Variants in PRIMPOL observed in about 807,000 individuals in gnomAD.
The protein encoded by PRIMPOL is primase and DNA directed polymerase, also known as DNA-directed primase/polymerase protein.
In PRIMPOL, 54 loss-of-function variants were observed where a neutral mutation model predicts 63.6. That is an observed-to-expected ratio of 0.85 (90% CI 0.68 to 1.07). The LOEUF (loss-of-function observed/expected upper bound fraction) is 1.07, where lower values mean the gene tolerates loss of function less well. PRIMPOL is among the 50% of genes least tolerant of loss of function. The probability of loss-of-function intolerance (pLI) is 0.00; values close to 1 mark genes in which losing one functional copy is unlikely to be tolerated. For missense variants in PRIMPOL, 610 were observed against 648.3 expected, an observed-to-expected ratio of 0.94 and a Z score of 0.64; for synonymous variants, 197 against 220.2, an observed-to-expected ratio of 0.89 and a Z score of 0.93.
At chr4:184,652,585 G>A (rs1209106222) in intron 2 of PRIMPOL, among the ~76,000 whole-genome samples, 1 of 152,154 alleles carries the variant, frequency 6.6e-6, no homozygotes, top group East Asian at 1.9e-4. Context: ...CATCCAGAAA[G>A]TGAACTTATA....
chr4:184,684,257 A>T (rs1427931526), intron 9 of PRIMPOL, among the ~76,000 whole-genome samples: 3 of 152,148 alleles, frequency 2.0e-5, no homozygotes, highest in African/African-American at 7.2e-5. Context: ...GGAGTTCAAG[A>T]CCAGCCTGAC....
chr4:184,671,843 T>C lies in PRIMPOL; in HGVS notation c.557-330T>C, dbSNP rs112472049. Among the ~76,000 whole-genome samples the C allele has an allele frequency of 2.2e-4, 33 of 150,898 alleles. 1 individual carries two copies. The East Asian group carries it at 3.2e-3, about 14-fold the overall frequency. ...CTGCAAGCTCCGCTTCCTGGGTTCA[T>C]GCCATTCGCCCACCTCAGCCTCCCA... On this transcript the variant is annotated intron_variant, in intron 6 of 13. Coordinates refer to ENST00000314970, the MANE Select transcript of PRIMPOL (RefSeq NM_152683.4).
At position 184,694,752 on chromosome 4, in the gene PRIMPOL, A is replaced by G. The variant is rs777644520; in HGVS notation, c.1656A>G (p.Glu552=). The stretch of plus-strand genomic sequence containing the variant: ...GTGAAGTGGATGAAATTCCTGATGA[A>G]CTAATTATAGAAGTATTACAAGAGT... ...YNSEVDEIPD[E]LIIEVLQE Residue 552 remains glutamate (E), a synonymous_variant, in exon 14 of 14, where the codon GAA becomes GAG. Transcript: ENST00000314970. 8.7e-6 allele frequency: 14 copies of G among 1,612,318 alleles called. No homozygotes were observed. In the South Asian group the frequency reaches 1.4e-4, roughly 16 times the overall value.
At chr4:184,660,964 C>T (rs1342561455) in intron 4 of PRIMPOL, among the ~76,000 whole-genome samples, 1 of 152,196 alleles carries the variant, frequency 6.6e-6, no homozygotes, top group Non-Finnish European at 1.5e-5. Flanking sequence ...AAGAATGTAA[C>T]TGCAAACATG....
chr4:184,672,233 A>G lies in PRIMPOL; in HGVS notation c.617A>G (p.Asp206Gly), dbSNP rs141459769. The change falls in exon 7 of 14, where the codon GAT becomes GGT. Residue 206 changes from aspartate (D) to glycine (G), a missense_variant. By Grantham distance (94) the Asp-to-Gly change is moderately conservative. This residue lies in a region of PRIMPOL where 444 missense variants were observed against 456.4 expected (regional missense o/e 0.97). Coordinates refer to ENST00000314970, the MANE Select transcript of PRIMPOL (RefSeq NM_152683.4). ...ALDLLGSEDD[D>G]SAPETTGHGF... ...GACTTGCTTGGCAGTGAAGATGATG[A>G]TAGCGCTCCAGAGACAACAGGCCAT... 120 of 1,613,922 alleles carry G rather than the reference A, an allele frequency of 7.4e-5. No homozygotes were observed. Among genetic ancestry groups the G allele is most frequent in the Non-Finnish European group, 1.0e-4 (118 of 1,180,014 alleles).
At chr4:184,666,215 T>TG in intron 6 of PRIMPOL, 151 bp downstream of exon 6, 1 of 577,438 alleles carries the variant, frequency 1.7e-6, no homozygotes, top group Non-Finnish European at 2.9e-6. Flanking sequence ...GGCTCACACC[T>TG]GCAATTCTAG....
intron 6 of PRIMPOL, among the ~76,000 whole-genome samples, chr4:184,670,622 C>T (rs902127204): frequency 1.3e-5 from 2 of 149,306 alleles, no homozygotes; most frequent in Non-Finnish European, 2.9e-5. Flanking sequence ...GATCTTGGCT[C>T]ACTGCAACCT....
chr4:184,686,919 A>C (rs754148559), intron 11 of PRIMPOL, among the ~76,000 whole-genome samples: 1 of 152,262 alleles, frequency 6.6e-6, no homozygotes, highest in Admixed American at 6.5e-5. Context: ...TGCAGCTATC[A>C]GTTGACGTTT....
rs529545818 is a variant in PRIMPOL at position 184,691,481 on chromosome 4, T to C, written c.1296-18T>C. ...CAGTCTTGGTATTAATACTTTTTTT[T>C]TTTTTTTAAACATAAAGGATTCTGG... On this transcript the variant is annotated intron_variant, in intron 11 of 13. Coordinates refer to ENST00000314970, the MANE Select transcript of PRIMPOL (RefSeq NM_152683.4). 6.7e-6 allele frequency: 10 copies of C among 1,494,034 alleles called. No homozygotes were observed. In the African/African-American group the frequency reaches 8.4e-5, roughly 13 times the overall value. 92.5% of individuals were successfully genotyped at this position (1,494,034 alleles called of 1,614,324 possible). A position where few individuals can be genotyped will look rare whatever the true frequency, so the allele number is the denominator to read the frequency against.
At chr4:184,693,883 G>A (rs1441124897) in intron 13 of PRIMPOL, among the ~76,000 whole-genome samples, 1 of 152,110 alleles carries the variant, frequency 6.6e-6, no homozygotes, top group Non-Finnish European at 1.5e-5. Context: ...TGCCCGGGCT[G>A]GTCTCAAACT....
chr4:184,676,261 C>A (rs1287990331), intron 7 of PRIMPOL, among the ~76,000 whole-genome samples: 1 of 151,548 alleles, frequency 6.6e-6, no homozygotes, highest in South Asian at 2.1e-4. Context: ...TGCATACGAC[C>A]ACACTTTTAA....
At chr4:184,692,136 TA>T (rs1209930793) in intron 13 of PRIMPOL, among the ~76,000 whole-genome samples, 2 of 152,198 alleles carry the variant, frequency 1.3e-5, no homozygotes, top group Non-Finnish European at 2.9e-5. Flanking sequence ...AAAGATTTTT[TA>T]TTTACCCAAA....
At chr4:184,689,615 GC>G (rs1451999481) in intron 11 of PRIMPOL, among the ~76,000 whole-genome samples, 1 of 151,856 alleles carries the variant, frequency 6.6e-6, no homozygotes. Context: ...GCCACGCCTG[GC>G]TAATTTTTGT....
At chr4:184,688,994 A>AT (rs1757732531) in intron 11 of PRIMPOL, among the ~76,000 whole-genome samples, 1 of 149,960 alleles carries the variant, frequency 6.7e-6, no homozygotes, top group Non-Finnish European at 1.5e-5. Context: ...TAAAAAAAAA[A>AT]GCCACTTTTC....
chr4:184,676,373 CCCT>C (rs1280055316), intron 7 of PRIMPOL, among the ~76,000 whole-genome samples: 42 of 41,524 alleles, frequency 1.0e-3, no homozygotes, highest in Middle Eastern at 0.02. Context: ...CCTTTCCCTT[CCCT>C]TCCCTTCCTT....
intron 9 of PRIMPOL, among the ~76,000 whole-genome samples, chr4:184,684,379 C>T (rs1304618269): frequency 1.3e-5 from 2 of 151,898 alleles, no homozygotes; most frequent in African/African-American, 4.8e-5. Flanking sequence ...TCGCTTGAAC[C>T]CAGAAGGCCG....
At chr4:184,667,229 C>T (rs1750177216) in intron 6 of PRIMPOL, among the ~76,000 whole-genome samples, 1 of 152,176 alleles carries the variant, frequency 6.6e-6, no homozygotes, top group African/African-American at 2.4e-5. Flanking sequence ...CGTTCCTTCT[C>T]AGTCTCTCTC....
At chr4:184,676,232 C>T (rs1481509146) in intron 7 of PRIMPOL, among the ~76,000 whole-genome samples, 1 of 151,584 alleles carries the variant, frequency 6.6e-6, no homozygotes, top group Non-Finnish European at 1.5e-5. Context: ...TCAGCCTCCC[C>T]AGTAGCTAGA....
intron 9 of PRIMPOL, 35 bp from the exon 10 acceptor site, chr4:184,685,374 C>T (rs931935142): frequency 1.3e-5 from 19 of 1,428,556 alleles, no homozygotes; most frequent in African/African-American, 1.3e-4. Context: ...CAACTTTCAG[C>T]TATTGTAATT....
Sources: gnomAD v4.1 joint callset for allele counts (sites outside exome capture counted in the v4.1 genomes callset) on GRCh38, gnomAD v4.1.1 for gene constraint, gnomAD v4.1.1 regional missense constraint, MANE v1.5 for transcripts, NCBI Gene and HGNC (gene_info 2026-07-23, HGNC 2026-07-21) for gene names.